Variants in ERC2 observed in about 807,000 individuals in gnomAD.
ERC2 encodes the protein ERC protein 2.
ERC2 carries 42 observed loss-of-function variants against 114.8 expected under a neutral mutation model. That is an observed-to-expected ratio of 0.37 (90% CI 0.29 to 0.47). ERC2 has a LOEUF of 0.47. ERC2 is among the 20% of genes least tolerant of loss of function. The pLI, the probability that ERC2 is intolerant of heterozygous loss-of-function variation, is 0.99. For synonymous variants in ERC2, 454 were observed against 425.5 expected (o/e 1.07, Z -0.82); for missense variants, 939 against 1,150.7 (o/e 0.82, Z 2.66).
intron 2 of ERC2, among the ~76,000 whole-genome samples, chr3:56,305,742 G>A (rs193071020): frequency 4.8e-4 from 73 of 152,344 alleles, no homozygotes; most frequent in African/African-American, 1.4e-3. Flanking sequence ...ACCTGAAGCC[G>A]GGATGGCAAA....
intron 13 of ERC2, among the ~76,000 whole-genome samples, chr3:55,920,018 A>T (rs2065325439): frequency 6.6e-6 from 1 of 152,186 alleles, no homozygotes; most frequent in South Asian, 2.1e-4. Flanking sequence ...AATTCATAAC[A>T]TCTAGTAAAA....
chr3:55,995,374 C>T (rs2071426644), intron 10 of ERC2, among the ~76,000 whole-genome samples: 1 of 151,964 alleles, frequency 6.6e-6, no homozygotes, highest in Non-Finnish European at 1.5e-5. Context: ...GAATAGACAA[C>T]CTCAAGAATA....
At chr3:56,296,561 C>G in intron 2 of ERC2, 126 bp from the exon 3 acceptor site, 1 of 967,388 alleles carries the variant, frequency 1.0e-6, no homozygotes, top group Non-Finnish European at 1.5e-6. Context: ...GGAGGGCCAG[C>G]CATGAATTCC....
chr3:56,179,922 C>A (rs1350345315), intron 3 of ERC2, among the ~76,000 whole-genome samples: 1 of 151,978 alleles, frequency 6.6e-6, no homozygotes, highest in Non-Finnish European at 1.5e-5. Context: ...TATTTAAAAC[C>A]TAGATGAATC....
chr3:55,808,742 TAAC>T, intron 14 of ERC2, among the ~76,000 whole-genome samples: 1 of 100,390 alleles, frequency 1.0e-5, no homozygotes. Flanking sequence ...TATATATATA[TAAC>T]GTATAACTAA....
Position 56,348,929 on chromosome 3 carries a change from A to G in ERC2, c.658-52494T>C, listed in dbSNP as rs952644331. Among the ~76,000 whole-genome samples, 422 of 142,970 alleles carry G rather than the reference A, an allele frequency of 3.0e-3. 2 individuals are homozygous for G. Among genetic ancestry groups the G allele is most frequent in the South Asian group, 0.024 (105 of 4,448 alleles). 93.8% of individuals were successfully genotyped at this position (142,970 alleles called of 152,430 possible). A position where few individuals can be genotyped will look rare whatever the true frequency, so the allele number is the denominator to read the frequency against. ...GAAAGAAGGAAGGAAGGAAGGAAGG[A>G]AGGAAGGAAGGAAGGAAGGAAGGAA... On this transcript the variant is annotated intron_variant, in intron 2 of 17. Coordinates refer to ENST00000288221, the MANE Select transcript of ERC2 (RefSeq NM_015576.3).
intron 2 of ERC2, among the ~76,000 whole-genome samples, chr3:56,377,871 C>T (rs73075811): frequency 1.4e-5 from 2 of 142,206 alleles, no homozygotes; most frequent in Non-Finnish European, 3.1e-5. Context: ...AAACAAAAAA[C>T]AAAAACAAAA....
chr3:56,029,027 T>C (rs1424063004), intron 7 of ERC2, among the ~76,000 whole-genome samples: 2 of 152,112 alleles, frequency 1.3e-5, no homozygotes, highest in Non-Finnish European at 2.9e-5. Flanking sequence ...TATTGAATTG[T>C]GTAAAGTGCT....
In ERC2 at chr3:56,297,159, A is replaced by G. The variant is rs572620986; in HGVS notation, c.658-724T>C. On this transcript the variant is annotated intron_variant, in intron 2 of 17. Coordinates refer to ENST00000288221, the MANE Select transcript of ERC2 (RefSeq NM_015576.3). ...TGAAGCAAAAAATCAACACAAAGAAAAGTCCAGTGCAAGCAAAGGATATTT... is the reference window on the plus strand; with the variant it reads ...TGAAGCAAAAAATCAACACAAAGAAGAGTCCAGTGCAAGCAAAGGATATTT... Among the ~76,000 whole-genome samples, 3 of 152,286 alleles carry G rather than the reference A, an allele frequency of 2.0e-5. No homozygotes were observed. In the East Asian group the frequency reaches 5.8e-4, roughly 29 times the overall value.
chr3:56,440,529 C>T (rs771794305), intron 1 of ERC2, among the ~76,000 whole-genome samples: 20 of 134,946 alleles, frequency 1.5e-4, no homozygotes, highest in Non-Finnish European at 2.9e-4. Context: ...GCCTGGGCAA[C>T]AGTGCAAGAC....
At chr3:55,814,664 G>A (rs2059844633) in intron 14 of ERC2, among the ~76,000 whole-genome samples, 3 of 152,312 alleles carry the variant, frequency 2.0e-5, no homozygotes, top group South Asian at 4.2e-4. Flanking sequence ...AGATATATGT[G>A]GGGTGGTAAA....
At chr3:56,254,685 C>T (rs1204932153) in intron 3 of ERC2, among the ~76,000 whole-genome samples, 1 of 152,186 alleles carries the variant, frequency 6.6e-6, no homozygotes, top group Non-Finnish European at 1.5e-5. Context: ...ATCAGTAACT[C>T]CAGCCTCATT....
At chr3:55,844,603 CATT>C (rs1383205941) in intron 14 of ERC2, among the ~76,000 whole-genome samples, 1 of 152,112 alleles carries the variant, frequency 6.6e-6, no homozygotes, top group African/African-American at 2.4e-5. Context: ...TTAATCTAGA[CATT>C]AGTTACATGG....
chr3:55,798,077 G>A (rs2070661207), intron 14 of ERC2, among the ~76,000 whole-genome samples: 1 of 152,056 alleles, frequency 6.6e-6, no homozygotes, highest in African/African-American at 2.4e-5. Flanking sequence ...GCAATATGGA[G>A]GACAGAAAAG....
chr3:56,341,699 G>C (rs1476828995), intron 2 of ERC2, among the ~76,000 whole-genome samples: 2 of 152,104 alleles, frequency 1.3e-5, no homozygotes, highest in Admixed American at 6.6e-5. Context: ...CAGTAATCCT[G>C]TTAGCAATTC....
At chr3:55,886,288 T>C (rs906143736) in intron 14 of ERC2, among the ~76,000 whole-genome samples, 1 of 152,192 alleles carries the variant, frequency 6.6e-6, no homozygotes, top group African/African-American at 2.4e-5. Flanking sequence ...AAACATCATA[T>C]GATAAATTTT....
At chr3:56,304,071 A>G (rs1466826709) in intron 2 of ERC2, among the ~76,000 whole-genome samples, 2 of 152,258 alleles carry the variant, frequency 1.3e-5, no homozygotes, top group African/African-American at 2.4e-5. Context: ...CAGCATGGAA[A>G]AGTGACTCTC....
intron 7 of ERC2, among the ~76,000 whole-genome samples, chr3:56,077,926 A>G (rs1339813220): frequency 6.6e-6 from 1 of 152,194 alleles, no homozygotes; most frequent in Admixed American, 6.5e-5. Flanking sequence ...AACAAGCACT[A>G]TTTACATGAG....
At chr3:56,333,056 T>G (rs2057697887) in intron 2 of ERC2, among the ~76,000 whole-genome samples, 1 of 152,258 alleles carries the variant, frequency 6.6e-6, no homozygotes, top group South Asian at 2.1e-4. Context: ...TTTTCCAATA[T>G]GCAACACGTG....
Sources: gnomAD v4.1 joint callset for allele counts (sites outside exome capture counted in the v4.1 genomes callset) on GRCh38, gnomAD v4.1.1 for gene constraint, MANE v1.5 for transcripts, NCBI Gene and HGNC (gene_info 2026-07-23, HGNC 2026-07-21) for gene names.